PRDM2: variants seen among roughly 807,000 people sequenced by gnomAD.
The protein encoded by PRDM2 is PR/SET domain 2.
In PRDM2, 30 loss-of-function variants were observed where a neutral mutation model predicts 130.0. The observed-to-expected ratio is 0.23, with a 90% confidence interval of 0.17 to 0.31. The LOEUF (loss-of-function observed/expected upper bound fraction) is 0.31. Among genes scored for constraint, PRDM2 ranks in the 10% least tolerant of loss-of-function variants. PRDM2 has a pLI of 1.00. For missense variants in PRDM2, 2,011 were observed against 2,108.4 expected, an observed-to-expected ratio of 0.95 and a Z score of 0.90; for synonymous variants, 871 against 782.4, an observed-to-expected ratio of 1.11 and a Z score of -1.89.
At chr1:13,773,222 G>GTGC in intron 7 of PRDM2, 34 bp downstream of exon 7, 1 of 1,293,958 alleles carries the variant, frequency 7.7e-7, no homozygotes, top group Non-Finnish European at 1.1e-6. Flanking sequence ...TCTGAATTGG[G>GTGC]TGTGTATGTA....
intron 8 of PRDM2, among the ~76,000 whole-genome samples, chr1:13,793,541 CT>C (rs1644875814): frequency 6.6e-6 from 1 of 152,164 alleles, no homozygotes; most frequent in African/African-American, 2.4e-5. Context: ...GAAAAAAGCC[CT>C]TTGTGGGAAC....
chr1:13,789,515 A>G (rs1644804420), intron 8 of PRDM2, among the ~76,000 whole-genome samples: 2 of 152,170 alleles, frequency 1.3e-5, no homozygotes, highest in Admixed American at 1.3e-4. Context: ...CCTCGCTGTC[A>G]CAGTTCCCCA....
rs1218254786 is a variant in PRDM2, at chr1:13,779,958, T to C, written c.2163T>C (p.Ala721=). The C allele has an allele frequency of 1.2e-5, 20 of 1,614,134 alleles. No individual in the cohort carries two copies. The highest frequency in any genetic ancestry group is 1.7e-5 in the Non-Finnish European group (20 of 1,180,060). ...IAKLGPVCVS[A]PASMLPVTSS... is the part of the protein sequence containing the mutation. Reference sequence around the variant, plus strand: ...AATTAGGTCCTGTTTGTGTGTCTGCTCCTGCATCAATGTTGCCTGTGACCT... The same window carrying C: ...AATTAGGTCCTGTTTGTGTGTCTGCCCCTGCATCAATGTTGCCTGTGACCT... The change falls in exon 8 of 10, where the codon GCT becomes GCC. Residue 721 remains alanine (A), a synonymous_variant. Coordinates refer to ENST00000311066, the MANE Select transcript of PRDM2 (RefSeq NM_001393986.1). The surrounding 1 kb of genome is among the most constrained non-coding windows in gnomAD (Gnocchi z 4.9).
chr1:13,762,442 G>A (rs182143917), intron 6 of PRDM2, among the ~76,000 whole-genome samples: 663 of 152,300 alleles, frequency 4.4e-3, no homozygotes, highest in Non-Finnish European at 7.6e-3. Flanking sequence ...CAGGGAGCAC[G>A]AGTAACCTTG....
chr1:13,778,967 A>C lies in PRDM2; in HGVS notation c.1172A>C (p.Lys391Thr). ...IHISTVNHAF[K>T]CKYCGKAFGT... ...ATATCCACCGTCAATCATGCTTTCA[A>C]ATGCAAGTACTGTGGGAAAGCCTTT... The change falls in exon 8 of 10, where the codon AAA (lysine) becomes ACA (threonine). Residue 391 changes from lysine to threonine, a missense_variant. Around this residue, in one of 5 missense-constraint regions of PRDM2, gnomAD observed 1,288 missense variants for 1,237.7 expected, o/e 1.04. Transcript: ENST00000311066. 1.9e-6 allele frequency: 3 copies of C among 1,614,228 alleles called. No individual in the cohort carries two copies. The highest frequency in any genetic ancestry group is 2.5e-6 in the Non-Finnish European group (3 of 1,180,044).
chr1:13,765,219 T>C (rs1644195806), intron 6 of PRDM2, among the ~76,000 whole-genome samples: 1 of 152,234 alleles, frequency 6.6e-6, no homozygotes, highest in Non-Finnish European at 1.5e-5. Context: ...GTTCTTTTGT[T>C]AATGACATTT....
intron 8 of PRDM2, among the ~76,000 whole-genome samples, chr1:13,800,938 CTG>C (rs992604691): frequency 3.9e-5 from 6 of 152,196 alleles, no homozygotes; most frequent in Middle Eastern, 3.2e-3. Flanking sequence ...ATAAAGGAAA[CTG>C]TACTGAGGGG....
chr1:13,723,884 G>C (rs1412432439), intron 2 of PRDM2, among the ~76,000 whole-genome samples: 1 of 152,208 alleles, frequency 6.6e-6, no homozygotes, highest in Non-Finnish European at 1.5e-5. Flanking sequence ...GTGCCAGGCT[G>C]TATCGAGGCG....
In PRDM2 at chr1:13,804,273, G is replaced by A. The variant is rs532850852; in HGVS notation, c.5037-12154G>A. Among the ~76,000 whole-genome samples the A allele has an allele frequency of 1.6e-4, 24 of 152,206 alleles. No homozygotes were observed. The South Asian group carries it at 4.4e-3, about 28-fold the overall frequency. On this transcript the variant is annotated intron_variant, in intron 8 of 9. Coordinates refer to ENST00000311066, the MANE Select transcript of PRDM2 (RefSeq NM_001393986.1). ...CTGTCTCACCTGAAGGCACCGCAGC[G>A]ACTCCTTGGGCTGGTGGTGTCAAAC...
At chr1:13,730,971 C>G in intron 2 of PRDM2, 29 bp from the exon 3 acceptor site, 1 of 1,448,568 alleles carries the variant, frequency 6.9e-7, no homozygotes, top group East Asian at 2.4e-5. Flanking sequence ...CTTTCTTTTG[C>G]TGTGATCCTT....
In PRDM2 at chr1:13,726,910, A is replaced by G. The variant is rs558127713; in HGVS notation, c.10-4090A>G. Among the ~76,000 whole-genome samples, 4 of 152,262 alleles carry G rather than the reference A, an allele frequency of 2.6e-5. No homozygotes were observed. The South Asian group carries it at 8.3e-4, about 32-fold the overall frequency. Reference sequence around the variant, plus strand: ...GGCAGCAAGGACAGGGCGTACTGGGAGACGCCAGCAGCTGGGGTGCCTTGC... The same window carrying G: ...GGCAGCAAGGACAGGGCGTACTGGGGGACGCCAGCAGCTGGGGTGCCTTGC... On this transcript the variant is annotated intron_variant, in intron 2 of 9. Transcript: ENST00000311066.
At chr1:13,738,570 A>G (rs1006809455) in intron 4 of PRDM2, among the ~76,000 whole-genome samples, 10 of 152,214 alleles carry the variant, frequency 6.6e-5, no homozygotes, top group African/African-American at 2.4e-4. Flanking sequence ...TCGAGAGGCC[A>G]AGCTATTTAT....
chr1:13,763,194 C>G (rs750149326), intron 6 of PRDM2, among the ~76,000 whole-genome samples: 4 of 152,142 alleles, frequency 2.6e-5, no homozygotes, highest in Non-Finnish European at 5.9e-5. Context: ...GGCAGGCATT[C>G]AACATGATTG....
Position 13,768,137 on chromosome 1 carries a change from G to A in PRDM2, c.512-4941G>A, listed in dbSNP as rs544307665. ...CTGTTGCCCAGGCTGGAGTCCGGTGGCGTGATCTCGGCTCACTGCAAGCTC... is the reference window on the plus strand; with the variant it reads ...CTGTTGCCCAGGCTGGAGTCCGGTGACGTGATCTCGGCTCACTGCAAGCTC... On this transcript the variant is annotated intron_variant, in intron 6 of 9. Transcript: ENST00000311066. Among the ~76,000 whole-genome samples, 76 of 149,322 alleles carry A rather than the reference G, an allele frequency of 5.1e-4. 1 individual carries two copies. In the South Asian group the frequency reaches 0.016, roughly 32 times the overall value.
At chr1:13,700,678 G>T (rs112605299) in intron 1 of PRDM2, among the ~76,000 whole-genome samples, 1 of 151,930 alleles carries the variant, frequency 6.6e-6, no homozygotes, top group Non-Finnish European at 1.5e-5. Flanking sequence ...CCCACGTGGG[G>T]CCGGGCGCCG....
intron 6 of PRDM2, chr1:13,772,289 GTAT>G (rs1644377089): frequency 6.6e-6 from 1 of 152,174 alleles, no homozygotes; most frequent in Non-Finnish European, 1.5e-5. Context: ...GACTTCTTCA[GTAT>G]TATTACTCCT....
intron 1 of PRDM2, among the ~76,000 whole-genome samples, chr1:13,701,050 C>T (rs1006584580): frequency 6.6e-6 from 1 of 152,210 alleles, no homozygotes; most frequent in Non-Finnish European, 1.5e-5. Context: ...GCCACCGACC[C>T]TCCGGGCTTG....
intron 8 of PRDM2, among the ~76,000 whole-genome samples, chr1:13,800,891 T>C (rs1644996669): frequency 6.6e-6 from 1 of 152,120 alleles, no homozygotes; most frequent in Non-Finnish European, 1.5e-5. Flanking sequence ...TTGGGAATGC[T>C]TCCCCAGCTA....
At chr1:13,737,955 C>T (rs1348035191) in intron 4 of PRDM2, among the ~76,000 whole-genome samples, 2 of 151,992 alleles carry the variant, frequency 1.3e-5, no homozygotes, top group Non-Finnish European at 2.9e-5. Context: ...TAAAGATATA[C>T]TAGAAGTGAC....
Sources: allele counts gnomAD v4.1 joint callset (sites outside exome capture counted in the v4.1 genomes callset), GRCh38; gene constraint gnomAD v4.1.1; regional missense constraint gnomAD v4.1.1; non-coding constraint Gnocchi (gnomAD v3.1); transcripts MANE v1.5; gene names NCBI Gene and HGNC (gene_info 2026-07-23, HGNC 2026-07-21).